ZFHX3: variants seen among roughly 807,000 people sequenced by gnomAD.
The protein encoded by ZFHX3 is zinc finger homeobox protein 3.
A neutral mutation model predicts 279.1 loss-of-function variants in ZFHX3; 42 were observed. The observed-to-expected ratio is 0.15, with a 90% CI of 0.12 to 0.19. ZFHX3 has a LOEUF of 0.19. ZFHX3 is among the 10% of genes least tolerant of loss of function. The probability of loss-of-function intolerance (pLI) is 1.00; values close to 1 mark genes in which losing one functional copy is unlikely to be tolerated. For synonymous variants in ZFHX3, 2,293 were observed against 1,957.8 expected, an observed-to-expected ratio of 1.17 and a Z score of -4.52; for missense variants, 4,981 against 4,754.0, an observed-to-expected ratio of 1.05 and a Z score of -1.40.
intron 4 of ZFHX3, among the ~76,000 whole-genome samples, chr16:73,286,556 C>T (rs1474906180): frequency 6.3e-5 from 8 of 127,584 alleles, no homozygotes; most frequent in Admixed American, 2.3e-4. Context: ...TGGGTGTGTG[C>T]GTTGGTGTGT....
intron 5 of ZFHX3, among the ~76,000 whole-genome samples, chr16:73,220,910 T>C (rs992976594): frequency 1.3e-5 from 2 of 152,110 alleles, no homozygotes; most frequent in Non-Finnish European, 2.9e-5. Context: ...GATGTTTTTG[T>C]GCATGGGAGG....
At chr16:73,039,998 G>A (rs1965052779) in intron 1 of ZFHX3, among the ~76,000 whole-genome samples, 1 of 152,242 alleles carries the variant, frequency 6.6e-6, no homozygotes, top group Non-Finnish European at 1.5e-5. Flanking sequence ...TTTGTCGCCA[G>A]ACTGGGTTGA....
At chr16:72,933,681 TTTTG>T (rs1369505075) in intron 3 of ZFHX3, among the ~76,000 whole-genome samples, 10 of 152,272 alleles carry the variant, frequency 6.6e-5, no homozygotes, top group East Asian at 1.9e-4. Flanking sequence ...ACAGTTTTCT[TTTTG>T]TTTATGGGTT....
intron 3 of ZFHX3, among the ~76,000 whole-genome samples, chr16:73,432,124 A>G (rs1357172786): frequency 6.6e-6 from 1 of 152,210 alleles, no homozygotes. Flanking sequence ...GTCTAAGCAC[A>G]AGAAATAGAG....
Position 72,787,498 on chromosome 16 carries a change from G to C in ZFHX3, c.10778C>G (p.Ser3593Ter), listed in dbSNP as rs1216396730. 3 of 1,613,612 alleles carry C rather than the reference G, an allele frequency of 1.9e-6. No individual in the cohort carries two copies. The highest frequency in any genetic ancestry group is 1.7e-5 in the Admixed American group (1 of 59,998). The change falls in exon 10 of 10, where the codon TCA (serine) becomes TGA (stop). Residue 3593 changes from serine (S) to a stop codon, truncating the protein, a stop_gained. Transcript: ENST00000268489. LOFTEE classifies it high-confidence loss of function. ...CGACGGGGGAGGGGGGCTGTCGTTTGAGTGAGCGGCAGACTGCGAGGTAGA... is the reference window on the plus strand; with the variant it reads ...CGACGGGGGAGGGGGGCTGTCGTTTCAGTGAGCGGCAGACTGCGAGGTAGA... ...TASTSQSAAH[S>*]NDSPPPPSAA...
At chr16:73,849,126 T>A (rs1478732422) in intron 1 of ZFHX3, among the ~76,000 whole-genome samples, 2 of 152,218 alleles carry the variant, frequency 1.3e-5, no homozygotes, top group Non-Finnish European at 2.9e-5. Flanking sequence ...GGAAAGACAA[T>A]CACCTTCCTT....
chr16:73,000,708 G>C (rs1019341189), intron 1 of ZFHX3, among the ~76,000 whole-genome samples: 1 of 152,144 alleles, frequency 6.6e-6, no homozygotes, highest in Non-Finnish European at 1.5e-5. Flanking sequence ...AATTACGCTA[G>C]ACATGCCACA....
At chr16:73,653,937 C>G (rs1365270342) in intron 2 of ZFHX3, among the ~76,000 whole-genome samples, 1 of 152,132 alleles carries the variant, frequency 6.6e-6, no homozygotes, top group African/African-American at 2.4e-5. Context: ...GTAATCCCAG[C>G]ACTTTGAGAG....
At chr16:73,759,348 C>A (rs991099152) in intron 1 of ZFHX3, among the ~76,000 whole-genome samples, 1 of 152,068 alleles carries the variant, frequency 6.6e-6, no homozygotes, top group African/African-American at 2.4e-5. Flanking sequence ...GGGACCTGTC[C>A]CTCTCCTTTA....
At chr16:73,119,345 G>C (rs1395551240) in intron 7 of ZFHX3, among the ~76,000 whole-genome samples, 2 of 152,164 alleles carry the variant, frequency 1.3e-5, no homozygotes, top group African/African-American at 4.8e-5. Context: ...GGGCTCAAGT[G>C]ATCCTTCCAT....
Position 72,787,960 on chromosome 16 carries a change from G to C in ZFHX3, c.10316C>G (p.Pro3439Arg), listed in dbSNP as rs1597223998. Residue 3439 changes from proline to arginine, a missense_variant, in exon 10 of 10, where the codon CCT (proline) becomes CGT (arginine). Coordinates refer to ENST00000268489, the MANE Select transcript of ZFHX3 (RefSeq NM_006885.4). ...TTTGCTTTCTGCTTCTGGCTCTTCA[G>C]GGAGTTTCGGCAGGAGGGGGGACAC... is the stretch of plus-strand genomic sequence containing the variant. ...REVSPLLPKL[P>R]EEPEAESKSA... 6.2e-7 allele frequency: 1 copy of C among 1,613,944 alleles called. No homozygotes were observed. The highest frequency in any genetic ancestry group is 8.5e-7 in the Non-Finnish European group (1 of 1,179,980).
chr16:72,787,973 G>T lies in ZFHX3; in HGVS notation c.10303C>A (p.Leu3435Met). Residue 3435 changes from leucine (L) to methionine (M), a missense_variant, in exon 10 of 10, where the codon CTG becomes ATG. Transcript: ENST00000268489. ...TCTGGCTCTTCAGGGAGTTTCGGCA[G>T]GAGGGGGGACACCTCACGGGGGGTG... ...KNTPREVSPL[L>M]PKLPEEPEAE... 2 of 1,613,942 alleles carry T rather than the reference G, an allele frequency of 1.2e-6. No individual in the cohort carries two copies. Among genetic ancestry groups the T allele is most frequent in the South Asian group, 1.1e-5 (1 of 91,068 alleles).
intron 5 of ZFHX3, among the ~76,000 whole-genome samples, chr16:73,172,988 GTTTTTTT>G (rs1967570916): frequency 2.2e-5 from 1 of 46,170 alleles, no homozygotes; most frequent in Non-Finnish European, 3.5e-5. Context: ...TGATGGGACT[GTTTTTTT>G]GTTTTTTTTT....
At chr16:72,842,467 T>C (rs2037368763) in intron 4 of ZFHX3, among the ~76,000 whole-genome samples, 1 of 152,170 alleles carries the variant, frequency 6.6e-6, no homozygotes, top group African/African-American at 2.4e-5. Context: ...AGGTTATGCT[T>C]CACTTTGTAA....
At chr16:72,997,157 C>T (rs1211040455) in intron 1 of ZFHX3, among the ~76,000 whole-genome samples, 1 of 152,234 alleles carries the variant, frequency 6.6e-6, no homozygotes, top group African/African-American at 2.4e-5. Context: ...TGCAGCTTCA[C>T]AAACAGGTTC....
intron 2 of ZFHX3, among the ~76,000 whole-genome samples, chr16:73,615,058 C>T (rs989721958): frequency 2.0e-5 from 3 of 151,962 alleles, no homozygotes; most frequent in South Asian, 4.1e-4. Flanking sequence ...CCACGCCTGG[C>T]CACTTTTTTT....
At chr16:72,851,115 G>A (rs187659922) in intron 4 of ZFHX3, among the ~76,000 whole-genome samples, 283 of 152,082 alleles carry the variant, frequency 1.9e-3, no homozygotes, top group African/African-American at 6.2e-3. Context: ...CACATGGAAC[G>A]TCATCACTTC....
chr16:72,924,208 T>G (rs1352247726), intron 3 of ZFHX3, among the ~76,000 whole-genome samples: 2 of 152,174 alleles, frequency 1.3e-5, no homozygotes, highest in Non-Finnish European at 2.9e-5. Context: ...AACTAAAACT[T>G]AAACGACTTT....
At chr16:73,243,817 C>T (rs1853158094) in intron 5 of ZFHX3, among the ~76,000 whole-genome samples, 1 of 152,046 alleles carries the variant, frequency 6.6e-6, no homozygotes. Flanking sequence ...ATCACCCACC[C>T]AGAATCTAAT....
Sources: allele counts gnomAD v4.1 joint callset (sites outside exome capture counted in the v4.1 genomes callset), GRCh38; gene constraint gnomAD v4.1.1; transcripts MANE v1.5; gene names NCBI Gene and HGNC (gene_info 2026-07-23, HGNC 2026-07-21).